The following CYP4F22 variants were observed in gnomAD, a reference collection of about 807,000 sequenced individuals.
The protein encoded by CYP4F22 is ultra-long-chain fatty acid omega-hydroxylase.
CYP4F22 carries 37 observed loss-of-function variants against 60.4 expected under a neutral mutation model. The observed-to-expected ratio is 0.61, with a 90% CI of 0.47 to 0.81. The LOEUF (loss-of-function observed/expected upper bound fraction) is 0.81. Among genes scored for constraint, CYP4F22 ranks in the 30% least tolerant of loss-of-function variants. The pLI, the probability that CYP4F22 is intolerant of heterozygous loss-of-function variation, is 0.00. For missense variants in CYP4F22, 655 were observed against 715.0 expected (o/e 0.92, Z 0.96); for synonymous variants, 258 against 280.5 (o/e 0.92, Z 0.80).
intron 1 of CYP4F22, among the ~76,000 whole-genome samples, chr19:15,520,471 C>T (rs1420201034): frequency 6.7e-6 from 1 of 150,236 alleles, no homozygotes; most frequent in Admixed American, 6.6e-5. Flanking sequence ...GTTTTACTTG[C>T]ATTCCATGAG....
chr19:15,522,639 T>TA (rs1319005785), intron 1 of CYP4F22, among the ~76,000 whole-genome samples: 1 of 152,286 alleles, frequency 6.6e-6, no homozygotes, highest in East Asian at 1.9e-4. Context: ...TAGTACTCTT[T>TA]AGGGTCACTA....
At chr19:15,529,688 C>T in intron 3 of CYP4F22, 21 bp from the exon 4 acceptor site, 2 of 1,613,860 alleles carry the variant, frequency 1.2e-6, no homozygotes, top group Non-Finnish European at 1.7e-6. Context: ...CTCCTCATTG[C>T]TCCTCCCTTA....
chr19:15,548,002 A>AGAGAGAGAGT lies in CYP4F22; in HGVS notation c.1137-105_1137-104insAGAGAGAGTG, dbSNP rs1237209926. 1.6e-5 allele frequency: 6 copies of AGAGAGAGAGT among 367,266 alleles called. No homozygotes were observed. The African/African-American group carries it at 1.9e-4, about 12-fold the overall frequency. 22.8% of individuals were successfully genotyped at this position (367,266 alleles called of 1,614,324 possible). A position where few individuals can be genotyped will look rare whatever the true frequency, so the allele number is the denominator to read the frequency against. ...GAGAGAGAGAGAGAGAGAGGGAGAGAGTGTGTGTGTGTGTGTGTGTGTGTG... is the reference window on the plus strand; with the variant it reads ...GAGAGAGAGAGAGAGAGAGGGAGAGAGAGAGAGAGTGTGTGTGTGTGTGTGTGTGTGTGTG... On this transcript the variant is annotated intron_variant, in intron 10 of 13. Coordinates refer to ENST00000269703, the MANE Select transcript of CYP4F22 (RefSeq NM_173483.4).
intron 3 of CYP4F22, among the ~76,000 whole-genome samples, chr19:15,525,855 C>T (rs1971277376): frequency 6.6e-6 from 1 of 151,688 alleles, no homozygotes; most frequent in Admixed American, 6.6e-5. Context: ...AGTGAGACCC[C>T]CTCTCTACAA....
chr19:15,543,655 G>A lies in CYP4F22; in HGVS notation c.940-316G>A, dbSNP rs573078278. Among the ~76,000 whole-genome samples the A allele has an allele frequency of 5.0e-4, 76 of 152,030 alleles. 2 individuals are homozygous for A. Among genetic ancestry groups the A allele is most frequent in the Non-Finnish European group, 4.7e-4 (32 of 68,024 alleles). ...GTAGATCACTTGAGGCCACGAGTTC[G>A]AGACCGGCCTGGCCAATATGGCAAA... On this transcript the variant is annotated intron_variant, in intron 8 of 13. Transcript: ENST00000269703.
At chr19:15,511,160 T>G (rs1423479082) in intron 1 of CYP4F22, among the ~76,000 whole-genome samples, 1 of 151,008 alleles carries the variant, frequency 6.6e-6, no homozygotes, top group Non-Finnish European at 1.5e-5. Flanking sequence ...GAGATGGGGT[T>G]TCTCCATGTT....
intron 1 of CYP4F22, among the ~76,000 whole-genome samples, chr19:15,515,036 G>A (rs373123831): frequency 7.9e-5 from 12 of 152,146 alleles, no homozygotes; most frequent in African/African-American, 2.7e-4. Flanking sequence ...AAACAGGAAG[G>A]TGCCCAGGGC....
intron 1 of CYP4F22, among the ~76,000 whole-genome samples, chr19:15,518,295 C>T (rs1296977379): frequency 6.6e-6 from 1 of 151,932 alleles, no homozygotes; most frequent in Non-Finnish European, 1.5e-5. Flanking sequence ...TATGATTGCA[C>T]CACTGCACTT....
At chr19:15,532,339 C>T (rs1334978733) in intron 4 of CYP4F22, among the ~76,000 whole-genome samples, 1 of 150,294 alleles carries the variant, frequency 6.7e-6, no homozygotes, top group Non-Finnish European at 1.5e-5. Context: ...TCCTTCTTCT[C>T]CTCCCCATCC....
chr19:15,530,797 T>C (rs1033654745), intron 4 of CYP4F22, among the ~76,000 whole-genome samples: 1 of 152,010 alleles, frequency 6.6e-6, no homozygotes, highest in African/African-American at 2.4e-5. Flanking sequence ...CATGATTCAA[T>C]TACCCCCCAC....
At chr19:15,529,605 G>A (rs2144518059) in intron 3 of CYP4F22, 104 bp from the exon 4 acceptor site, 2 of 1,485,504 alleles carry the variant, frequency 1.3e-6, no homozygotes, top group South Asian at 2.4e-5. Context: ...TCATAATGTA[G>A]CACTATTGGG....
intron 1 of CYP4F22, among the ~76,000 whole-genome samples, chr19:15,518,765 A>AATTTTGAG (rs1408305978): frequency 1.3e-5 from 2 of 151,376 alleles, no homozygotes; most frequent in African/African-American, 4.9e-5. Flanking sequence ...GCCATGGGAG[A>AATTTTGAG]ATTTTGAGCA....
chr19:15,524,704 G>C (rs374117011), intron 2 of CYP4F22, among the ~76,000 whole-genome samples: 23 of 104,406 alleles, frequency 2.2e-4, no homozygotes, highest in African/African-American at 6.3e-4. Flanking sequence ...GAAAGAAAGA[G>C]AGAGAGAAAG....
intron 8 of CYP4F22, among the ~76,000 whole-genome samples, chr19:15,541,725 A>C (rs1461572393): frequency 6.6e-6 from 1 of 151,564 alleles, no homozygotes; most frequent in Non-Finnish European, 1.5e-5. Flanking sequence ...TACTAAAAAT[A>C]CAAAATTAGC....
At chr19:15,517,301 C>T (rs1971167276) in intron 1 of CYP4F22, among the ~76,000 whole-genome samples, 1 of 152,210 alleles carries the variant, frequency 6.6e-6, no homozygotes. Flanking sequence ...TGTCATGATT[C>T]CCATTTTGTA....
At chr19:15,513,511 C>T (rs1342593966) in intron 1 of CYP4F22, among the ~76,000 whole-genome samples, 2 of 151,254 alleles carry the variant, frequency 1.3e-5, no homozygotes, top group African/African-American at 4.9e-5. Context: ...ACTACAGGCG[C>T]CCGCCACCTC....
intron 3 of CYP4F22, among the ~76,000 whole-genome samples, chr19:15,526,870 A>G (rs929255133): frequency 2.7e-5 from 4 of 150,750 alleles, no homozygotes; most frequent in African/African-American, 9.8e-5. Context: ...TCAGCCTCCC[A>G]AGTAGCTGCG....
intron 7 of CYP4F22, 88 bp from the exon 8 acceptor site, chr19:15,540,362 T>C (rs1048185918): frequency 8.0e-6 from 12 of 1,505,544 alleles, no homozygotes; most frequent in Middle Eastern, 1.8e-4. Flanking sequence ...ATCTATTCAA[T>C]GGGGACAGGA....
At chr19:15,525,220 T>A in intron 2 of CYP4F22, 116 bp from the exon 3 acceptor site, 1 of 963,054 alleles carries the variant, frequency 1.0e-6, no homozygotes, top group Non-Finnish European at 1.6e-6. Flanking sequence ...GAGGTATCCT[T>A]GGTGTCTGGA....
Sources: gnomAD v4.1 joint callset for allele counts (sites outside exome capture counted in the v4.1 genomes callset) on GRCh38, gnomAD v4.1.1 for gene constraint, MANE v1.5 for transcripts, NCBI Gene and HGNC (gene_info 2026-07-23, HGNC 2026-07-21) for gene names.